PRR5: variants seen among roughly 807,000 people sequenced by gnomAD.
PRR5 encodes the protein proline-rich protein 5.
Under a neutral mutation model 30.6 loss-of-function variants are expected in PRR5, and 25 were observed. That is an observed-to-expected ratio of 0.82 (90% CI 0.60 to 1.14). PRR5 has a LOEUF of 1.14. PRR5 is among the 50% of genes most tolerant of loss of function. The pLI is 0.00. For synonymous variants in PRR5, 286 were observed against 247.1 expected (o/e 1.16, Z -1.48); for missense variants, 600 against 547.1 (o/e 1.10, Z -0.96).
chr22:44,692,025 C>T (rs993314963), intron 1 of PRR5, among the ~76,000 whole-genome samples: 12 of 152,104 alleles, frequency 7.9e-5, no homozygotes, highest in South Asian at 2.1e-4. Flanking sequence ...CCTGCTGGAC[C>T]GGAATTTCTG....
intron 1 of PRR5, among the ~76,000 whole-genome samples, chr22:44,686,545 T>C (rs567976990): frequency 7.5e-4 from 114 of 152,156 alleles, no homozygotes; most frequent in African/African-American, 2.7e-3. Context: ...GGAGTCTCGC[T>C]CTGTCGCCCA....
chr22:44,672,713 A>G (rs1923495443), upstream of PRR5, among the ~76,000 whole-genome samples: 1 of 152,224 alleles, frequency 6.6e-6, no homozygotes, highest in Non-Finnish European at 1.5e-5. Context: ...GCTGCCTGCC[A>G]TCCTCTGAGC....
chr22:44,714,617 T>A lies in PRR5; in HGVS notation c.161T>A (p.Phe54Tyr). The A allele has an allele frequency of 1.2e-6, 2 of 1,613,602 alleles. No individual in the cohort carries two copies. Among genetic ancestry groups the A allele is most frequent in the Non-Finnish European group, 1.7e-6 (2 of 1,179,996 alleles). Residue 54 changes from phenylalanine (F) to tyrosine (Y), a missense_variant, in exon 2 of 8, where the codon TTC becomes TAC. Physicochemically the swap from Phe to Tyr is conservative, Grantham distance 22 (BLOSUM62 3). Coordinates refer to ENST00000336985, the MANE Select transcript of PRR5 (RefSeq NM_181333.4). ...NSIHNGVIAV[F>Y]QRKGLPDQEL... ...ATCCACAACGGGGTGATCGCCGTCT[T>A]CCAGCGCAAGGGGCTGCCCGACCAG...
chr22:44,725,387 C>T (rs1920927130), intron 3 of PRR5, 95 bp downstream of exon 3: 2 of 1,540,494 alleles, frequency 1.3e-6, no homozygotes, highest in Admixed American at 3.5e-5. Context: ...GGAGCGCCGG[C>T]TCCCCCACTG....
intron 1 of PRR5, among the ~76,000 whole-genome samples, chr22:44,670,308 CTG>C (rs896281063): frequency 2.4e-4 from 36 of 152,316 alleles, no homozygotes; most frequent in African/African-American, 8.4e-4. Context: ...GCCAAACAGT[CTG>C]GGATTCTGAG....
Position 44,736,904 on chromosome 22 carries a change from G to A in PRR5, c.824G>A (p.Gly275Asp), listed in dbSNP as rs749375092. 6.2e-7 allele frequency: 1 copy of A among 1,608,616 alleles called. No homozygotes were observed. Among genetic ancestry groups the A allele is most frequent in the Non-Finnish European group, 8.5e-7 (1 of 1,178,676 alleles). Residue 275 changes from glycine to aspartate, a missense_variant, in exon 8 of 8, where the codon GGT becomes GAT. By Grantham distance (94) the Gly-to-Asp change is moderately conservative. Coordinates refer to ENST00000336985, the MANE Select transcript of PRR5 (RefSeq NM_181333.4). ...GAGGCGGAGGGCGCGGCGGCCGGCG[G>A]TACCAGCATCCGCAGGCACTCTGTG... Reference protein sequence around the residue: ...EHEAEGAAAGGTSIRRHSVSE... With the variant: ...EHEAEGAAAGDTSIRRHSVSE...
At chr22:44,670,748 A>T (rs1923378256) in intron 1 of PRR5, among the ~76,000 whole-genome samples, 1 of 152,124 alleles carries the variant, frequency 6.6e-6, no homozygotes, top group South Asian at 2.1e-4. Context: ...GTAACACAGA[A>T]CTGCCTGGCA....
At chr22:44,694,627 TTGAATC>T (rs1398134921) in intron 1 of PRR5, among the ~76,000 whole-genome samples, 2 of 152,102 alleles carry the variant, frequency 1.3e-5, no homozygotes, top group African/African-American at 4.8e-5. Context: ...CTGCCTGAGT[TTGAATC>T]CTGGCCCAGC....
chr22:44,731,723 C>T lies in PRR5; in HGVS notation c.323-7C>T. 6.2e-7 allele frequency: 1 copy of T among 1,613,536 alleles called. No homozygotes were observed. Among genetic ancestry groups the T allele is most frequent in the Non-Finnish European group, 8.5e-7 (1 of 1,179,868 alleles). ...AGGCCCAGTGGTGATGGCCCCCATG[C>T]CCACAGGACAGAAGCTGCTGGACTC... On this transcript the variant is annotated splice_region_variant and splice_polypyrimidine_tract_variant and intron_variant, in intron 4 of 7. Coordinates refer to ENST00000336985, the MANE Select transcript of PRR5 (RefSeq NM_181333.4).
chr22:44,733,222 G>A (rs555283528), intron 6 of PRR5, among the ~76,000 whole-genome samples: 75 of 152,330 alleles, frequency 4.9e-4, no homozygotes, highest in Non-Finnish European at 9.1e-4. Flanking sequence ...GCAAGCCAGG[G>A]GTTTCTGCAC....
chr22:44,730,911 C>T, intron 4 of PRR5: 1 of 459,798 alleles, frequency 2.2e-6, no homozygotes, highest in Non-Finnish European at 4.5e-6. Flanking sequence ...CCTTATGATC[C>T]TGCTCAGTGT....
intron 1 of PRR5, among the ~76,000 whole-genome samples, chr22:44,706,403 G>A (rs991934110): frequency 6.6e-6 from 1 of 152,232 alleles, no homozygotes; most frequent in Non-Finnish European, 1.5e-5. Context: ...AAGGAGGTAA[G>A]TAAATGCAGG....
chr22:44,687,382 C>A (rs557137472), intron 1 of PRR5, among the ~76,000 whole-genome samples: 2 of 152,252 alleles, frequency 1.3e-5, no homozygotes, highest in African/African-American at 4.8e-5. Flanking sequence ...CTCTCCCAAG[C>A]AGCCTACGGC....
At chr22:44,670,065 T>A (rs1923335523) in intron 1 of PRR5, among the ~76,000 whole-genome samples, 2 of 151,998 alleles carry the variant, frequency 1.3e-5, no homozygotes, top group African/African-American at 4.8e-5. Context: ...ATTTTGTAAG[T>A]CCCCCATCGT....
In PRR5 at chr22:44,735,021, C is replaced by T. The variant is rs751620619; in HGVS notation, c.556-6C>T. The T allele has an allele frequency of 3.7e-6, 6 of 1,611,634 alleles. No homozygotes were observed. Among genetic ancestry groups the T allele is most frequent in the South Asian group, 1.1e-5 (1 of 91,010 alleles). On this transcript the variant is annotated splice_polypyrimidine_tract_variant and splice_region_variant and intron_variant, in intron 6 of 7. Coordinates refer to ENST00000336985, the MANE Select transcript of PRR5 (RefSeq NM_181333.4). ...ACCCCCTACCCCCTGCCCCACTCTC[C>T]TGCAGGGGGTACATGAGTCCAGGGG... is the stretch of plus-strand genomic sequence containing the variant.
chr22:44,714,768 A>C (rs1172251362), intron 2 of PRR5, 97 bp downstream of exon 2: 1 of 1,482,656 alleles, frequency 6.7e-7, no homozygotes, highest in African/African-American at 1.4e-5. Flanking sequence ...CCCGCCAGCC[A>C]CGCCTGTGCT....
At chr22:44,693,795 A>ATTTTT (rs61604082) in intron 1 of PRR5, among the ~76,000 whole-genome samples, 3,018 of 79,410 alleles carry the variant, frequency 0.038, 211 homozygotes, top group African/African-American at 0.074. Context: ...ACACTCGGCT[A>ATTTTT]TTTTTTTTTT....
intron 1 of PRR5, among the ~76,000 whole-genome samples, chr22:44,693,712 C>G (rs1437430797): frequency 1.4e-5 from 2 of 146,460 alleles, no homozygotes; most frequent in Non-Finnish European, 3.0e-5. Context: ...AGTGCAAGCT[C>G]TGTCTCTCAG....
chr22:44,701,339 A>G (rs1174579821), upstream of PRR5, among the ~76,000 whole-genome samples: 1 of 152,146 alleles, frequency 6.6e-6, no homozygotes, highest in African/African-American at 2.4e-5. Context: ...GCCCAACTCT[A>G]CCATTTGTTG....
Sources: gnomAD v4.1 joint callset for allele counts (sites outside exome capture counted in the v4.1 genomes callset) on GRCh38, gnomAD v4.1.1 for gene constraint, MANE v1.5 for transcripts, NCBI Gene and HGNC (gene_info 2026-07-23, HGNC 2026-07-21) for gene names.